The following CDH1 variants were observed in gnomAD, a reference collection of about 807,000 sequenced individuals.
CDH1 encodes the protein cadherin-1.
CDH1 carries 35 observed loss-of-function variants against 84.5 expected under a neutral mutation model. That is an observed-to-expected ratio of 0.41 (90% CI 0.32 to 0.55). The LOEUF (loss-of-function observed/expected upper bound fraction) is 0.55, where lower values mean the gene tolerates loss of function less well. Ranked by LOEUF, CDH1 falls within the 20% of genes least tolerant of loss-of-function variation. CDH1 has a pLI of 0.19. For synonymous variants in CDH1, 417 were observed against 439.0 expected (o/e 0.95, Z 0.63); for missense variants, 994 against 1,126.6 (o/e 0.88, Z 1.68).
intron 2 of CDH1, among the ~76,000 whole-genome samples, chr16:68,759,487 CTTTTT>C (rs141278700): frequency 7.3e-6 from 1 of 136,126 alleles, no homozygotes. Flanking sequence ...TCTTTTCTTT[CTTTTT>C]TTTTTTTTTT....
At chr16:68,739,380 G>A (rs969898916) in intron 2 of CDH1, among the ~76,000 whole-genome samples, 4 of 151,908 alleles carry the variant, frequency 2.6e-5, no homozygotes, top group African/African-American at 7.3e-5. Context: ...TAGTGCCACC[G>A]CACTCCAACC....
chr16:68,818,004 C>T (rs879518535), intron 10 of CDH1, among the ~76,000 whole-genome samples: 7 of 151,868 alleles, frequency 4.6e-5, no homozygotes, highest in African/African-American at 9.7e-5. Flanking sequence ...TTTGGGAGGC[C>T]GAGATGGGTG....
chr16:68,739,608 A>AT (rs549473582), intron 2 of CDH1, among the ~76,000 whole-genome samples: 8 of 79,148 alleles, frequency 1.0e-4, no homozygotes, highest in South Asian at 1.0e-3. Flanking sequence ...AGGAATAATG[A>AT]TTTTTTTTTT....
chr16:68,781,662 C>G (rs1372943055), intron 2 of CDH1, among the ~76,000 whole-genome samples: 1 of 152,116 alleles, frequency 6.6e-6, no homozygotes, highest in Non-Finnish European at 1.5e-5. Context: ...TCTTTATTGA[C>G]AGGGTCTCAC....
chr16:68,801,019 T>C (rs2152126258), intron 2 of CDH1, among the ~76,000 whole-genome samples: 1 of 152,346 alleles, frequency 6.6e-6, no homozygotes, highest in South Asian at 2.1e-4. Context: ...CCTATTTGAA[T>C]GAGTCCTTTG....
intron 2 of CDH1, among the ~76,000 whole-genome samples, chr16:68,775,916 C>T (rs1959721102): frequency 6.6e-6 from 1 of 152,158 alleles, no homozygotes; most frequent in Non-Finnish European, 1.5e-5. Flanking sequence ...CCCATCCACC[C>T]AAAAGGAGGA....
intron 2 of CDH1, among the ~76,000 whole-genome samples, chr16:68,759,047 A>G (rs992195781): frequency 6.6e-6 from 1 of 152,104 alleles, no homozygotes; most frequent in Non-Finnish European, 1.5e-5. Context: ...CTGCCCCTCT[A>G]GCCCTCTCAA....
chr16:68,806,111 C>T (rs1329779773), intron 3 of CDH1, among the ~76,000 whole-genome samples: 2 of 148,948 alleles, frequency 1.3e-5, no homozygotes, highest in African/African-American at 5.0e-5. Context: ...CCATGCCTGG[C>T]TAATTTTTGT....
chr16:68,741,189 C>T (rs1463665076), intron 2 of CDH1, among the ~76,000 whole-genome samples: 1 of 152,060 alleles, frequency 6.6e-6, no homozygotes, highest in Non-Finnish European at 1.5e-5. Flanking sequence ...CACAGACCCC[C>T]ACCCCCACAC....
In CDH1 at chr16:68,815,548, C is replaced by G. The variant is rs1597897808; in HGVS notation, c.1354C>G (p.Leu452Val). The G allele has an allele frequency of 4.3e-6, 7 of 1,614,226 alleles. No individual in the cohort carries two copies. The highest frequency in any genetic ancestry group is 5.9e-6 in the Non-Finnish European group (7 of 1,180,044). ...LDFEAKQQYILHVAVTNVVPF... is the reference protein window; with the variant it reads ...LDFEAKQQYIVHVAVTNVVPF... ...TTTTGAGGCCAAGCAGCAGTACATT[C>G]TACACGTAGCAGTGACGAATGTGGT... Residue 452 changes from leucine (L) to valine (V), a missense_variant, in exon 10 of 16, where the codon CTA (leucine) becomes GTA (valine). Around this residue, in one of 3 missense-constraint regions of CDH1, gnomAD observed 769 missense variants for 881.8 expected, o/e 0.87. Transcript: ENST00000261769.
At chr16:68,765,967 AATT>A (rs1239587735) in intron 2 of CDH1, among the ~76,000 whole-genome samples, 2 of 152,060 alleles carry the variant, frequency 1.3e-5, no homozygotes, top group African/African-American at 4.8e-5. Context: ...CCCCTACTAT[AATT>A]TTATATCGGC....
intron 2 of CDH1, among the ~76,000 whole-genome samples, chr16:68,787,946 C>T (rs918685689): frequency 3.3e-5 from 5 of 151,804 alleles, no homozygotes; most frequent in Admixed American, 2.6e-4. Context: ...CTGCCTCAGC[C>T]TCCTGAATAG....
chr16:68,738,206 G>C (rs1173630336), intron 1 of CDH1, 91 bp from the exon 2 acceptor site: 3 of 864,526 alleles, frequency 3.5e-6, no homozygotes, highest in Non-Finnish European at 1.9e-6. Flanking sequence ...TCCCGACGCC[G>C]GGAGCGAGGG....
chr16:68,833,319 A>G lies in CDH1; in HGVS notation c.2469A>G (p.Thr823=), dbSNP rs2152143874. 1 of 1,614,194 alleles carries G rather than the reference A, an allele frequency of 6.2e-7. No individual in the cohort carries two copies. Among genetic ancestry groups the G allele is most frequent in the Non-Finnish European group, 8.5e-7 (1 of 1,180,038 alleles). The part of the protein sequence containing the change: ...ENLKAADTDP[T]APPYDSLLVF... ...TGAAAGCGGCTGATACTGACCCCAC[A>G]GCCCCGCCTTATGATTCTCTGCTCG... is the stretch of plus-strand genomic sequence containing the variant. Residue 823 remains threonine, a synonymous_variant, in exon 16 of 16, where the codon ACA becomes ACG. Transcript: ENST00000261769.
chr16:68,796,393 A>G (rs906376824), intron 2 of CDH1, among the ~76,000 whole-genome samples: 1 of 152,140 alleles, frequency 6.6e-6, no homozygotes, highest in South Asian at 2.1e-4. Context: ...AAATCCCAAC[A>G]TCGTCTGAAA....
intron 2 of CDH1, among the ~76,000 whole-genome samples, chr16:68,782,481 C>A (rs980098967): frequency 5.3e-5 from 8 of 152,226 alleles, no homozygotes; most frequent in African/African-American, 1.9e-4. Flanking sequence ...AACTAAGACT[C>A]AAGCGTTTAA....
chr16:68,767,832 C>T (rs1333366083), intron 2 of CDH1, among the ~76,000 whole-genome samples: 2 of 152,126 alleles, frequency 1.3e-5, no homozygotes, highest in Non-Finnish European at 2.9e-5. Context: ...TGGTAGTGTG[C>T]ACTTGTATTG....
chr16:68,758,207 CTTTTTTTTTTTTTTTTTT>C (rs57413297), intron 2 of CDH1, among the ~76,000 whole-genome samples: 1 of 40,046 alleles, frequency 2.5e-5, no homozygotes, highest in African/African-American at 1.0e-4. Context: ...CTTTTTATTT[CTTTTTTTTTTTTTTTTTT>C]TTTTTTTTTG....
At chr16:68,786,520 C>CTTTTTTTTTTTTTGTTTTTTTTTTTTT (rs1323536677) in intron 2 of CDH1, among the ~76,000 whole-genome samples, 2 of 77,530 alleles carry the variant, frequency 2.6e-5, no homozygotes, top group African/African-American at 5.0e-5. Flanking sequence ...TTTCTGCTTT[C>CTTTTTTTTTTTTTGTTTTTTTTTTTTT]TTTTTTTTTT....
Sources: gnomAD v4.1 joint callset for allele counts (sites outside exome capture counted in the v4.1 genomes callset) on GRCh38, gnomAD v4.1.1 for gene constraint, gnomAD v4.1.1 regional missense constraint, MANE v1.5 for transcripts, NCBI Gene and HGNC (gene_info 2026-07-23, HGNC 2026-07-21) for gene names.